Variants in IDH1 observed in about 807,000 individuals in gnomAD.
The protein encoded by IDH1 is isocitrate dehydrogenase (NADP(+)) 1, also known as isocitrate dehydrogenase [NADP] cytoplasmic.
IDH1 carries 33 observed loss-of-function variants against 46.1 expected under a neutral mutation model. That is an observed-to-expected ratio of 0.72 (90% CI 0.54 to 0.96). IDH1 has a LOEUF of 0.96. IDH1 is among the 40% of genes least tolerant of loss of function. IDH1 has a pLI of 0.00. For synonymous variants in IDH1, 144 were observed against 172.8 expected, an observed-to-expected ratio of 0.83 and a Z score of 1.31; for missense variants, 421 against 515.7, an observed-to-expected ratio of 0.82 and a Z score of 1.78.
chr2:208,253,568 G>T (rs1181791728), intron 2 of IDH1, among the ~76,000 whole-genome samples: 5 of 151,852 alleles, frequency 3.3e-5, no homozygotes, highest in African/African-American at 1.2e-4. Context: ...TGCAATTCCA[G>T]AAAATAAACC....
intron 3 of IDH1, among the ~76,000 whole-genome samples, chr2:208,249,636 G>T (rs910217651): frequency 6.6e-6 from 1 of 152,126 alleles, no homozygotes; most frequent in Non-Finnish European, 1.5e-5. Context: ...GATTTAAAAG[G>T]TTTTTCAGCT....
At chr2:208,249,067 G>A (rs1271792626) in intron 3 of IDH1, among the ~76,000 whole-genome samples, 2 of 152,170 alleles carry the variant, frequency 1.3e-5, no homozygotes, top group African/African-American at 2.4e-5. Context: ...AAAAGGGGGT[G>A]GGAGGGGTTA....
chr2:208,237,226 A>G (rs1687827778), intron 9 of IDH1, 57 bp from the exon 10 acceptor site: 1 of 871,690 alleles, frequency 1.1e-6, no homozygotes, highest in South Asian at 1.4e-5. Flanking sequence ...GGTAGCAGGT[A>G]GTGGTAAAGT....
intron 2 of IDH1, 128 bp from the exon 3 acceptor site, chr2:208,251,695 G>T: frequency 2.8e-6 from 2 of 709,996 alleles, no homozygotes; most frequent in Non-Finnish European, 2.3e-6. Context: ...TTCAATTTAT[G>T]TGTAGTTGAA....
intron 4 of IDH1, among the ~76,000 whole-genome samples, chr2:208,246,681 G>A (rs1302941682): frequency 6.7e-6 from 1 of 149,606 alleles, no homozygotes; most frequent in African/African-American, 2.5e-5. Context: ...TGGCATGCCT[G>A]TAATCCCAGC....
rs76395405 is a variant in IDH1, at chr2:208,253,641, C to T, written c.-17+245G>A. On this transcript the variant is annotated intron_variant, in intron 2 of 9. Coordinates refer to ENST00000345146, the MANE Select transcript of IDH1 (RefSeq NM_005896.4). ...AGCCATTTAATATTATTTTCATCAACCTCAAGTTTTTGGCCAGATTGTTTT... is the reference window on the plus strand; with the variant it reads ...AGCCATTTAATATTATTTTCATCAATCTCAAGTTTTTGGCCAGATTGTTTT... Among the ~76,000 whole-genome samples the T allele has an allele frequency of 7.7e-3, 1,179 of 152,226 alleles. 6 individuals are homozygous for T. Among genetic ancestry groups the T allele is most frequent in the African/African-American group, 0.026 (1,088 of 41,518 alleles).
chr2:208,238,475 G>T (rs1300378067), intron 9 of IDH1, among the ~76,000 whole-genome samples: 1 of 152,150 alleles, frequency 6.6e-6, no homozygotes, highest in Non-Finnish European at 1.5e-5. Context: ...CAGGATACTG[G>T]CTACTATGTT....
chr2:208,245,786 C>CCG (rs1559361334), intron 4 of IDH1, among the ~76,000 whole-genome samples: 11 of 41,050 alleles, frequency 2.7e-4, no homozygotes, highest in African/African-American at 6.3e-4. Flanking sequence ...TAGACCCCCC[C>CCG]CCCAAAAAAA....
rs371877544 is a variant in IDH1, at chr2:208,245,304, T to C, written c.520+15A>G. ...GTTTAAAAAAAAAAGAAGCTTATGC[T>C]ACAGTCATACATACCTTCAAAGTTA... On this transcript the variant is annotated intron_variant, in intron 5 of 9. Transcript: ENST00000345146. 1.1e-5 allele frequency: 14 copies of C among 1,275,182 alleles called. No individual in the cohort carries two copies. The highest frequency in any genetic ancestry group is 1.6e-5 in the Non-Finnish European group (14 of 873,598). The allele number at this position is 1,275,182 out of a possible 1,614,324, so 79.0% of individuals were successfully genotyped here.
Position 208,251,480 on chromosome 2 carries a change from TTCCCAAATGATTCGTGTCATTTCATC to T in IDH1, c.46_71del (p.Asp16IlefsTer3), listed in dbSNP as rs1395903055. 6.2e-7 allele frequency: 1 copy of T among 1,613,792 alleles called. No homozygotes were observed. The highest frequency in any genetic ancestry group is 8.5e-7 in the Non-Finnish European group (1 of 1,179,828). ...GAAAAATGAGTTTCTCTTTAATCAATTCCCAAATGATTCGTGTCATTTCATCTCCTTGCATCTCTACCACAGAACCG... is the reference window on the plus strand; with the variant it reads ...GAAAAATGAGTTTCTCTTTAATCAATTCCTTGCATCTCTACCACAGAACCG... On this transcript the variant is annotated frameshift_variant, in exon 3 of 10. Coordinates refer to ENST00000345146, the MANE Select transcript of IDH1 (RefSeq NM_005896.4). LOFTEE classifies it high-confidence loss of function.
rs775936968 is a variant in IDH1 at position 208,242,078 on chromosome 2, C to A, written c.766G>T (p.Ala256Ser). The stretch of plus-strand genomic sequence containing the variant: ...CCTCCCTCTGATTTCATAGCTTGGG[C>A]CACCATGTCGTCGATGAGCCTATGC... ...YEHRLIDDMV[A>S]QAMKSEGGFI... The change falls in exon 7 of 10, where the codon GCC (alanine) becomes TCC (serine). Residue 256 changes from alanine to serine, a missense_variant. Coordinates refer to ENST00000345146, the MANE Select transcript of IDH1 (RefSeq NM_005896.4). The A allele has an allele frequency of 1.2e-6, 2 of 1,613,682 alleles. No homozygotes were observed. Among genetic ancestry groups the A allele is most frequent in the Non-Finnish European group, 1.7e-6 (2 of 1,179,856 alleles).
intron 4 of IDH1, chr2:208,247,387 C>T (rs1688043109): frequency 6.6e-6 from 1 of 152,050 alleles, no homozygotes; most frequent in East Asian, 1.9e-4. Flanking sequence ...ACTTTTTTTC[C>T]AGGCAGGAAG....
intron 2 of IDH1, among the ~76,000 whole-genome samples, chr2:208,251,787 G>A (rs964910485): frequency 6.6e-6 from 1 of 151,818 alleles, no homozygotes; most frequent in Non-Finnish European, 1.5e-5. Flanking sequence ...TGTTTCACAC[G>A]CGGTTTCTGA....
In IDH1 at chr2:208,245,546, CT is replaced by C. The variant is rs34363027; in HGVS notation, c.415-123del. 17,255 of 333,444 alleles carry C rather than the reference CT, an allele frequency of 0.052. 184 individuals carry two copies. Among genetic ancestry groups the C allele is most frequent in the Middle Eastern group, 0.059 (57 of 970 alleles). The allele number at this position is 333,444 out of a possible 1,614,324, so 20.7% of individuals were successfully genotyped here. Reference sequence around the variant, plus strand: ...ACAAATAGGGCAGTATGTCAAACTTCTTTTTTTTTTTTTTTTTTTAGGAGAT... The same window carrying C: ...ACAAATAGGGCAGTATGTCAAACTTCTTTTTTTTTTTTTTTTTTAGGAGAT... On this transcript the variant is annotated intron_variant, in intron 4 of 9. Coordinates refer to ENST00000345146, the MANE Select transcript of IDH1 (RefSeq NM_005896.4).
In IDH1 at chr2:208,239,065, A is replaced by G. The variant is rs375389985; in HGVS notation, c.1154+6T>C. On this transcript the variant is annotated splice_donor_region_variant and intron_variant, in intron 9 of 9. Coordinates refer to ENST00000345146, the MANE Select transcript of IDH1 (RefSeq NM_005896.4). ...GACCATAGAAACTAGGGCATCTTAT[A>G]CTTACTTGGGTAAACCTTTAATGCA... 1 of 1,613,388 alleles carries G rather than the reference A, an allele frequency of 6.2e-7. No individual in the cohort carries two copies. Among genetic ancestry groups the G allele is most frequent in the Non-Finnish European group, 8.5e-7 (1 of 1,179,492 alleles).
rs2124847788 is a variant in IDH1, at chr2:208,239,229, G to A, written c.996C>T (p.Ser332=). Residue 332 remains serine, a synonymous_variant, in exon 9 of 10, where the codon TCC becomes TCT. Transcript: ENST00000345146. ...CTAACCCTCTGGTCCAGGCAAAAATGGAAGCTAAAAGAGGGGAAAAAAAAC... is the reference window on the plus strand; with the variant it reads ...CTAACCCTCTGGTCCAGGCAAAAATAGAAGCTAAAAGAGGGGAAAAAAAAC... ...GQETSTNPIA[S]IFAWTRGLAH... is the part of the protein sequence containing the mutation. The A allele has an allele frequency of 6.2e-7, 1 of 1,613,858 alleles. No individual in the cohort carries two copies. The highest frequency in any genetic ancestry group is 8.5e-7 in the Non-Finnish European group (1 of 1,179,922).
chr2:208,248,723 G>T, intron 3 of IDH1, 63 bp from the exon 4 acceptor site: 1 of 1,424,052 alleles, frequency 7.0e-7, no homozygotes, highest in Non-Finnish European at 9.9e-7. Context: ...ACCTACAACT[G>T]CAGTGATGGC....
intron 1 of IDH1, chr2:208,254,216 T>C: frequency 6.6e-6 from 1 of 152,620 alleles, no homozygotes; most frequent in Non-Finnish European, 1.5e-5. Flanking sequence ...TTGCATGTCC[T>C]TGCTCTTGGC....
intron 5 of IDH1, 73 bp downstream of exon 5, chr2:208,245,246 A>G: frequency 1.2e-6 from 1 of 865,242 alleles, no homozygotes; most frequent in East Asian, 2.6e-5. Context: ...ATAACTAACA[A>G]AAAAAGCAAT....
Sources: gnomAD v4.1 joint callset for allele counts (sites outside exome capture counted in the v4.1 genomes callset) on GRCh38, gnomAD v4.1.1 for gene constraint, MANE v1.5 for transcripts, NCBI Gene and HGNC (gene_info 2026-07-23, HGNC 2026-07-21) for gene names.